ABCA12: variants seen among roughly 807,000 people sequenced by gnomAD.
The protein encoded by ABCA12 is glucosylceramide transporter ABCA12.
ABCA12 carries 156 observed loss-of-function variants against 293.5 expected under a neutral mutation model. The ratio of observed to expected loss-of-function variants is 0.53; its 90% CI spans 0.47 to 0.61. The LOEUF (loss-of-function observed/expected upper bound fraction) is 0.61, where lower values mean the gene tolerates loss of function less well. ABCA12 is among the 20% of genes least tolerant of loss of function. The pLI is 0.00. For missense variants in ABCA12, 2,797 were observed against 3,090.2 expected (o/e 0.91, Z 2.25); for synonymous variants, 1,063 against 1,108.0 (o/e 0.96, Z 0.81).
chr2:215,134,740 C>G (rs996660920), intron 1 of ABCA12, among the ~76,000 whole-genome samples: 2 of 150,100 alleles, frequency 1.3e-5, no homozygotes, highest in Admixed American at 1.3e-4. Flanking sequence ...CTTGACCTCC[C>G]AGGTTCAGGT....
intron 1 of ABCA12, among the ~76,000 whole-genome samples, chr2:215,123,564 G>A (rs1332562094): frequency 6.6e-6 from 1 of 152,166 alleles, no homozygotes; most frequent in Non-Finnish European, 1.5e-5. Context: ...AAACATATGA[G>A]TGCATGTGTC....
At chr2:214,978,244 A>G in intron 33 of ABCA12, 72 bp downstream of exon 33, 1 of 1,562,836 alleles carries the variant, frequency 6.4e-7, no homozygotes, top group Non-Finnish European at 8.8e-7. Context: ...TTAAAAATCA[A>G]AGTCTGTCTG....
chr2:215,096,506 C>G (rs1215901825), intron 2 of ABCA12, among the ~76,000 whole-genome samples: 1 of 152,156 alleles, frequency 6.6e-6, no homozygotes. Context: ...TGTCACTATT[C>G]TGTTTTCTCA....
At chr2:214,976,100 CA>C in intron 33 of ABCA12, 63 bp from the exon 34 acceptor site, 1 of 1,595,184 alleles carries the variant, frequency 6.3e-7, no homozygotes, top group Non-Finnish European at 8.6e-7. Flanking sequence ...AAAATAACTT[CA>C]GAAACTATAT....
chr2:215,088,339 T>C (rs1702080003), intron 2 of ABCA12, among the ~76,000 whole-genome samples: 1 of 152,168 alleles, frequency 6.6e-6, no homozygotes, highest in African/African-American at 2.4e-5. Context: ...TTGACAGAAC[T>C]TAGTGACTAA....
rs1280509742 is a variant in ABCA12 at position 215,000,933 on chromosome 2, G to T, written c.2951C>A (p.Thr984Asn). 1.9e-6 allele frequency: 3 copies of T among 1,614,006 alleles called. No individual in the cohort carries two copies. The African/African-American group carries it at 4.0e-5, about 22-fold the overall frequency. ...TGCGGTCTTGAGACTCATCCGGATG[G>T]TATATTTTATGACAGGAGGAAGAAA... ...NVFLPPVIKYTIRMSLKTAQT... is the reference protein window; with the variant it reads ...NVFLPPVIKYNIRMSLKTAQT... The change falls in exon 22 of 53, where the codon ACC becomes AAC. Residue 984 changes from threonine to asparagine, a missense_variant. Coordinates refer to ENST00000272895, the MANE Select transcript of ABCA12 (RefSeq NM_173076.3).
chr2:215,010,842 T>C (rs138025331), intron 17 of ABCA12, among the ~76,000 whole-genome samples: 1,727 of 152,264 alleles, frequency 0.011, 24 homozygotes, highest in African/African-American at 0.039. Flanking sequence ...GTTCAATAAA[T>C]GCTTGGTGAA....
Position 215,011,643 on chromosome 2 carries a change from A to G in ABCA12, c.2128T>C (p.Tyr710His), listed in dbSNP as rs2106002116. Reference protein sequence around the residue: ...PRSVPLTQAMYRSNRMNTPQG... With the variant: ...PRSVPLTQAMHRSNRMNTPQG... ...GGTGTGTTCATTCGGTTGCTTCTGT[A>G]CATTGCCTGTGAGACAAAAATCCAC... Residue 710 changes from tyrosine to histidine, a missense_variant, in exon 17 of 53, where the codon TAC (tyrosine) becomes CAC (histidine). Transcript: ENST00000272895. 6.2e-7 allele frequency: 1 copy of G among 1,614,064 alleles called. No homozygotes were observed. The highest frequency in any genetic ancestry group is 2.2e-5 in the East Asian group (1 of 44,862).
chr2:215,051,653 T>C (rs922221700), intron 5 of ABCA12, among the ~76,000 whole-genome samples: 27 of 140,024 alleles, frequency 1.9e-4, no homozygotes, highest in South Asian at 4.6e-4. Context: ...TGTGTGAAGG[T>C]GATGGGGGAA....
intron 48 of ABCA12, among the ~76,000 whole-genome samples, chr2:214,947,065 G>C (rs185498362): frequency 6.6e-6 from 1 of 152,254 alleles, no homozygotes; most frequent in Admixed American, 6.5e-5. Flanking sequence ...AACAGAAAAA[G>C]AGAGATGATT....
intron 36 of ABCA12, 41 bp downstream of exon 36, chr2:214,973,908 C>A (rs752931085): frequency 8.6e-6 from 13 of 1,503,798 alleles, no homozygotes; most frequent in Non-Finnish European, 9.3e-7. Flanking sequence ...ATATTTATTC[C>A]CGTATTTTTC....
At chr2:215,043,440 G>T (rs2106045717) in intron 7 of ABCA12, among the ~76,000 whole-genome samples, 1 of 149,948 alleles carries the variant, frequency 6.7e-6, no homozygotes, top group South Asian at 2.1e-4. Context: ...AATAGCTGCA[G>T]AACTTGGATC....
At chr2:215,131,310 T>C (rs1428853180) in intron 1 of ABCA12, among the ~76,000 whole-genome samples, 1 of 152,078 alleles carries the variant, frequency 6.6e-6, no homozygotes, top group Non-Finnish European at 1.5e-5. Context: ...CCAAGATTGG[T>C]ACCACCTCTT....
intron 1 of ABCA12, among the ~76,000 whole-genome samples, chr2:215,113,498 T>G (rs1702620633): frequency 6.6e-6 from 1 of 152,188 alleles, no homozygotes; most frequent in Non-Finnish European, 1.5e-5. Flanking sequence ...GGGGCTGAGA[T>G]TCTGCATTTC....
At chr2:215,040,424 G>A (rs537795912) in intron 7 of ABCA12, among the ~76,000 whole-genome samples, 63 of 152,154 alleles carry the variant, frequency 4.1e-4, no homozygotes, top group South Asian at 1.9e-3. Flanking sequence ...TCATTGCACA[G>A]CTGTCAGGAT....
intron 2 of ABCA12, among the ~76,000 whole-genome samples, chr2:215,096,265 C>T (rs1702248563): frequency 6.6e-6 from 1 of 152,136 alleles, no homozygotes. Flanking sequence ...GAAGTAGGTT[C>T]TTTGATTATC....
intron 2 of ABCA12, among the ~76,000 whole-genome samples, chr2:215,091,015 T>C (rs1252196663): frequency 1.3e-5 from 2 of 152,136 alleles, no homozygotes; most frequent in Non-Finnish European, 2.9e-5. Flanking sequence ...CTACAAGATC[T>C]AGATAATTTT....
chr2:214,972,545 CTA>C (rs1699409373), intron 36 of ABCA12, among the ~76,000 whole-genome samples: 1 of 152,102 alleles, frequency 6.6e-6, no homozygotes, highest in South Asian at 2.1e-4. Flanking sequence ...GTAGCTGGGA[CTA>C]CACGTGCACA....
chr2:215,104,362 C>T (rs915523704), intron 2 of ABCA12, among the ~76,000 whole-genome samples: 1 of 152,192 alleles, frequency 6.6e-6, no homozygotes, highest in African/African-American at 2.4e-5. Flanking sequence ...AGCTGAGAAA[C>T]CTTGTCATCG....
Sources: gnomAD v4.1 joint callset for allele counts (sites outside exome capture counted in the v4.1 genomes callset) on GRCh38, gnomAD v4.1.1 for gene constraint, MANE v1.5 for transcripts, NCBI Gene and HGNC (gene_info 2026-07-23, HGNC 2026-07-21) for gene names.